Variants in CCDC112 observed in about 807,000 individuals in gnomAD.
CCDC112 encodes the protein coiled-coil domain containing 112, also known as coiled-coil domain-containing protein 112.
A neutral mutation model predicts 66.3 loss-of-function variants in CCDC112; 40 were observed. The ratio of observed to expected loss-of-function variants is 0.60; its 90% confidence interval spans 0.47 to 0.79. The LOEUF (loss-of-function observed/expected upper bound fraction) is 0.79, where lower values mean the gene tolerates loss of function less well. Among genes scored for constraint, CCDC112 ranks in the 30% least tolerant of loss-of-function variants. The probability of loss-of-function intolerance (pLI) is 0.00; values close to 1 mark genes in which losing one functional copy is unlikely to be tolerated. For synonymous variants in CCDC112, 214 were observed against 197.2 expected (o/e 1.09, Z -0.71); for missense variants, 659 against 603.8 (o/e 1.09, Z -0.96).
At chr5:115,273,939 GGGGA>G (rs1303262249) in intron 6 of CCDC112, among the ~76,000 whole-genome samples, 1 of 152,142 alleles carries the variant, frequency 6.6e-6, no homozygotes, top group Non-Finnish European at 1.5e-5. Context: ...TTATTGCTGG[GGGGA>G]GGGAGGAGAA....
intron 6 of CCDC112, among the ~76,000 whole-genome samples, chr5:115,273,884 A>G (rs934829161): frequency 2.0e-5 from 3 of 152,190 alleles, no homozygotes; most frequent in Non-Finnish European, 4.4e-5. Context: ...TTATGTTTCA[A>G]ACATTTTTCT....
At chr5:115,296,205 T>G in intron 1 of CCDC112, 1 of 1,275,070 alleles carries the variant, frequency 7.8e-7, no homozygotes, top group South Asian at 2.5e-5. Flanking sequence ...CAGAGCCGGG[T>G]TCCCACCCAG....
chr5:115,293,780 T>C (rs764736459), intron 1 of CCDC112, among the ~76,000 whole-genome samples: 7 of 152,064 alleles, frequency 4.6e-5, no homozygotes, highest in African/African-American at 1.5e-4. Flanking sequence ...CAGGTGAAAA[T>C]AGTTATTATT....
intron 2 of CCDC112, among the ~76,000 whole-genome samples, chr5:115,280,742 T>C (rs1182820469): frequency 1.3e-5 from 2 of 151,754 alleles, no homozygotes; most frequent in African/African-American, 2.4e-5. Flanking sequence ...TTGATAGATA[T>C]AGGGTTTTGC....
chr5:115,281,770 A>T (rs1322424445), intron 2 of CCDC112, among the ~76,000 whole-genome samples: 1 of 152,186 alleles, frequency 6.6e-6, no homozygotes, highest in East Asian at 1.9e-4. Context: ...AATGAAAACA[A>T]CCTCCTCAAT....
chr5:115,284,957 T>C (rs766995867), intron 1 of CCDC112, 49 bp from the exon 2 acceptor site: 1 of 1,541,062 alleles, frequency 6.5e-7, no homozygotes, highest in Non-Finnish European at 8.8e-7. Flanking sequence ...TAGTAAGACA[T>C]AAATGTGGAA....
intron 3 of CCDC112, among the ~76,000 whole-genome samples, chr5:115,278,420 C>T (rs1453372971): frequency 1.3e-5 from 2 of 151,698 alleles, no homozygotes; most frequent in Non-Finnish European, 2.9e-5. Context: ...CTTTACTCTC[C>T]TAGACAGGAA....
chr5:115,291,993 C>A (rs1338588052), intron 1 of CCDC112, among the ~76,000 whole-genome samples: 2 of 152,104 alleles, frequency 1.3e-5, no homozygotes, highest in South Asian at 4.1e-4. Context: ...TGAGTTTATT[C>A]TACTTAGAGT....
At chr5:115,279,937 A>G (rs1352829782) in intron 2 of CCDC112, among the ~76,000 whole-genome samples, 169 bp from the exon 3 acceptor site, 1 of 152,222 alleles carries the variant, frequency 6.6e-6, no homozygotes, top group African/African-American at 2.4e-5. Flanking sequence ...TAGTCAAAAT[A>G]ATAGCTAGAA....
intron 2 of CCDC112, 117 bp downstream of exon 2, chr5:115,284,670 G>C: frequency 2.9e-6 from 2 of 699,920 alleles, no homozygotes; most frequent in Admixed American, 2.7e-5. Context: ...TGACAGGCTA[G>C]TGATTACAAT....
At position 115,279,758 on chromosome 5, in the gene CCDC112, T is replaced by C. The variant is rs1749371689; in HGVS notation, c.250A>G (p.Met84Val). 6.7e-7 allele frequency: 1 copy of C among 1,488,068 alleles called. No individual in the cohort carries two copies. Among genetic ancestry groups the C allele is most frequent in the Admixed American group, 1.7e-5 (1 of 58,876 alleles). The allele number at this position is 1,488,068 out of a possible 1,614,324, so 92.2% of individuals were successfully genotyped here. A position where few individuals can be genotyped will look rare whatever the true frequency, so the allele number is the denominator to read the frequency against. The change falls in exon 3 of 10, where the codon ATG (methionine) becomes GTG (valine). Residue 84 changes from methionine (M) to valine (V), a missense_variant. Coordinates refer to ENST00000379611, the MANE Select transcript of CCDC112 (RefSeq NM_001040440.3). ...AAATGACTGTGTTTATCTTTTTCCA[T>C]GTTAATTACTCTTTAGGAAAAGAAA... is the stretch of plus-strand genomic sequence containing the variant. ...AEKFKNQVINMEKDKHSHFYN... is the reference protein window; with the variant it reads ...AEKFKNQVINVEKDKHSHFYN...
At position 115,269,019 on chromosome 5, in the gene CCDC112, T is replaced by C. The variant is rs775079343; in HGVS notation, c.1429-19A>G. 16 of 1,400,732 alleles carry C rather than the reference T, an allele frequency of 1.1e-5. No homozygotes were observed. Among genetic ancestry groups the C allele is most frequent in the South Asian group, 2.5e-5 (2 of 81,144 alleles). 86.8% of individuals were successfully genotyped at this position (1,400,732 alleles called of 1,614,324 possible). On this transcript the variant is annotated intron_variant, in intron 8 of 9. Transcript: ENST00000379611. ...TTTCAACCTGTAATCAGAAGTAAAA[T>C]AGTACCAGTTAATTATACAAACTCA...
At chr5:115,273,127 GT>G (rs1350964131) in intron 6 of CCDC112, among the ~76,000 whole-genome samples, 3 of 152,166 alleles carry the variant, frequency 2.0e-5, no homozygotes, top group African/African-American at 7.2e-5. Flanking sequence ...TATAAAAGGT[GT>G]TAAGTGTCAG....
At chr5:115,278,297 T>G (rs992396730) in intron 3 of CCDC112, among the ~76,000 whole-genome samples, 5 of 152,126 alleles carry the variant, frequency 3.3e-5, no homozygotes, top group African/African-American at 1.2e-4. Flanking sequence ...AAGTACAATA[T>G]GACATAAATG....
rs1202452335 is a variant in CCDC112, at chr5:115,275,320, T to C, written c.814A>G (p.Met272Val). The C allele has an allele frequency of 2.5e-6, 4 of 1,613,990 alleles. No homozygotes were observed. Among genetic ancestry groups the C allele is most frequent in the Non-Finnish European group, 3.4e-6 (4 of 1,179,982 alleles). ...GGAAGGTGTTCTAGAACTTCTTCCATAAATGTTGGCTTCCCTTTATGTTTG... is the reference window on the plus strand; with the variant it reads ...GGAAGGTGTTCTAGAACTTCTTCCACAAATGTTGGCTTCCCTTTATGTTTG... The part of the protein sequence containing the change: ...RNKHKGKPTF[M>V]EEVLEHLPGK... Residue 272 changes from methionine (M) to valine (V), a missense_variant, in exon 6 of 10, where the codon ATG becomes GTG. Physicochemically the swap from Met to Val is conservative, Grantham distance 21. Coordinates refer to ENST00000379611, the MANE Select transcript of CCDC112 (RefSeq NM_001040440.3).
Position 115,275,097 on chromosome 5 carries a change from C to T in CCDC112, c.918+119G>A, listed in dbSNP as rs539106898. On this transcript the variant is annotated intron_variant, in intron 6 of 9. Coordinates refer to ENST00000379611, the MANE Select transcript of CCDC112 (RefSeq NM_001040440.3). Reference sequence around the variant, plus strand: ...TCATCTTCTATTAGATTGTCGGGGGCGGGGAACTATAAACACACTTCATGG... The same window carrying T: ...TCATCTTCTATTAGATTGTCGGGGGTGGGGAACTATAAACACACTTCATGG... 24 of 762,956 alleles carry T rather than the reference C, an allele frequency of 3.1e-5. No individual in the cohort carries two copies. In the Middle Eastern group the frequency reaches 1.5e-3, roughly 49 times the overall value. 47.3% of individuals were successfully genotyped at this position (762,956 alleles called of 1,614,324 possible). A position where few individuals can be genotyped will look rare whatever the true frequency, so the allele number is the denominator to read the frequency against.
Position 115,268,912 on chromosome 5 carries a change from C to A in CCDC112, c.1517G>T (p.Gly506Val). 6.2e-7 allele frequency: 1 copy of A among 1,603,670 alleles called. No individual in the cohort carries two copies. The highest frequency in any genetic ancestry group is 8.5e-7 in the Non-Finnish European group (1 of 1,175,224). The change falls in exon 9 of 10, where the codon GGC becomes GTC. Residue 506 changes from glycine to valine, a missense_variant. Coordinates refer to ENST00000379611, the MANE Select transcript of CCDC112 (RefSeq NM_001040440.3). ...TGGGATATGTAGAAGTGGCCCAGAG[C>A]CTGTTGGTCCTATCTTTTTGGTTCG... ...EERTKKIGPT[G>V]SGPLLHIPHR...
At chr5:115,291,485 T>C (rs965779930) in intron 1 of CCDC112, among the ~76,000 whole-genome samples, 3 of 152,184 alleles carry the variant, frequency 2.0e-5, no homozygotes, top group Non-Finnish European at 4.4e-5. Flanking sequence ...AGGGTAATAA[T>C]GGCCTTACAG....
At chr5:115,281,294 G>A (rs1323603514) in intron 2 of CCDC112, among the ~76,000 whole-genome samples, 1 of 152,088 alleles carries the variant, frequency 6.6e-6, no homozygotes, top group Admixed American at 6.6e-5. Context: ...AAAATGCTGG[G>A]ATTACAGGCA....
Sources: gnomAD v4.1 joint callset for allele counts (sites outside exome capture counted in the v4.1 genomes callset) on GRCh38, gnomAD v4.1.1 for gene constraint, MANE v1.5 for transcripts, NCBI Gene and HGNC (gene_info 2026-07-23, HGNC 2026-07-21) for gene names.